The following BNC2 variants were observed in gnomAD, a reference collection of about 807,000 sequenced individuals.
BNC2 encodes the protein zinc finger protein basonuclin-2.
BNC2 carries 20 observed loss-of-function variants against 76.3 expected under a neutral mutation model. The observed-to-expected ratio is 0.26, with a 90% CI of 0.18 to 0.38. BNC2 has a LOEUF of 0.38. Among genes scored for constraint, BNC2 ranks in the 10% least tolerant of loss-of-function variants. The pLI is 1.00. For missense variants in BNC2, 1,382 were observed against 1,399.8 expected (o/e 0.99, Z 0.20); for synonymous variants, 582 against 514.8 (o/e 1.13, Z -1.77).
chr9:16,688,097 T>G (rs993711248), intron 3 of BNC2, among the ~76,000 whole-genome samples: 26 of 152,244 alleles, frequency 1.7e-4, no homozygotes, highest in African/African-American at 6.3e-4. Context: ...GGATAAGAGA[T>G]TCAAATCAAA....
intron 3 of BNC2, among the ~76,000 whole-genome samples, chr9:16,697,720 C>CA (rs749976080): frequency 0.018 from 1,943 of 107,460 alleles, 36 homozygotes; most frequent in African/African-American, 0.055. Flanking sequence ...ACTCGATTTC[C>CA]AAAAAAAAAA....
rs1825116470 is a variant in BNC2, at chr9:16,749,424, C to T, written c.4-10939G>A. 4.6e-5 allele frequency among the ~76,000 whole-genome samples: 7 copies of T among 152,098 alleles called. 1 individual carries two copies. The South Asian group carries it at 1.2e-3, about 27-fold the overall frequency. ...ACATTCCAAATGGGTGGGGGAAGCA[C>T]GAATAAAAGTATAATAATCCCAGCA... On this transcript the variant is annotated intron_variant, in intron 1 of 6. Coordinates refer to ENST00000380672, the MANE Select transcript of BNC2 (RefSeq NM_017637.6).
intron 3 of BNC2, among the ~76,000 whole-genome samples, chr9:16,590,706 C>G (rs566296889): frequency 5.9e-5 from 9 of 152,128 alleles, no homozygotes; most frequent in African/African-American, 2.2e-4. Context: ...ACGCGGGAGG[C>G]TGAGGCGGGA....
At chr9:16,709,482 A>T (rs961072465) in intron 3 of BNC2, among the ~76,000 whole-genome samples, 2 of 152,166 alleles carry the variant, frequency 1.3e-5, no homozygotes, top group African/African-American at 4.8e-5. Flanking sequence ...CAAAATAGGA[A>T]GGGAAGAGAG....
chr9:16,660,692 G>C (rs183142560), intron 3 of BNC2, among the ~76,000 whole-genome samples: 1 of 152,008 alleles, frequency 6.6e-6, no homozygotes, highest in South Asian at 2.1e-4. Flanking sequence ...TAGGCCCTCT[G>C]TATCTGTGGG....
chr9:16,740,553 T>C (rs1824814436), intron 1 of BNC2, among the ~76,000 whole-genome samples: 1 of 152,210 alleles, frequency 6.6e-6, no homozygotes, highest in Non-Finnish European at 1.5e-5. Flanking sequence ...AGTTAAGAAG[T>C]AAGCAAATTG....
intron 3 of BNC2, among the ~76,000 whole-genome samples, chr9:16,598,897 G>T (rs1820168355): frequency 6.6e-6 from 1 of 152,134 alleles, no homozygotes; most frequent in Admixed American, 6.6e-5. Context: ...ATCAAAATAT[G>T]TATTTTTCAC....
chr9:16,776,424 C>T (rs1432550796), intron 1 of BNC2, among the ~76,000 whole-genome samples: 2 of 152,150 alleles, frequency 1.3e-5, no homozygotes, highest in East Asian at 1.9e-4. Context: ...ACAGGGGTGA[C>T]CCACAGCGCC....
At chr9:16,741,178 G>A (rs2135160238) in intron 1 of BNC2, among the ~76,000 whole-genome samples, 1 of 152,300 alleles carries the variant, frequency 6.6e-6, no homozygotes, top group East Asian at 1.9e-4. Context: ...ACTGGAAAGG[G>A]TAAAATGAAA....
intron 1 of BNC2, among the ~76,000 whole-genome samples, chr9:16,769,930 C>T (rs755992664): frequency 4.6e-5 from 7 of 151,996 alleles, no homozygotes; most frequent in Non-Finnish European, 8.8e-5. Flanking sequence ...TGGAGCCCTC[C>T]GGAATTACAG....
At chr9:16,820,714 A>T (rs1364722062) in intron 1 of BNC2, among the ~76,000 whole-genome samples, 1 of 152,146 alleles carries the variant, frequency 6.6e-6, no homozygotes, top group Non-Finnish European at 1.5e-5. Flanking sequence ...TTTCTCACAA[A>T]TAGAGATCAT....
intron 1 of BNC2, among the ~76,000 whole-genome samples, chr9:16,858,715 G>A (rs1563974385): frequency 7.5e-6 from 1 of 133,202 alleles, no homozygotes; most frequent in East Asian, 1.9e-4. Flanking sequence ...GCATGGTGGC[G>A]GGTGCCTGTA....
chr9:16,459,166 C>A (rs995528493), intron 5 of BNC2, among the ~76,000 whole-genome samples: 3 of 152,174 alleles, frequency 2.0e-5, no homozygotes, highest in African/African-American at 7.2e-5. Flanking sequence ...TAGGATGAGT[C>A]AGAATTCAGT....
chr9:16,736,184 A>C (rs1477347642), intron 2 of BNC2, among the ~76,000 whole-genome samples: 2 of 151,224 alleles, frequency 1.3e-5, no homozygotes, highest in African/African-American at 4.9e-5. Flanking sequence ...CAGTGACCCA[A>C]GATCGCGCCA....
At chr9:16,758,951 A>G (rs1405823477) in intron 1 of BNC2, among the ~76,000 whole-genome samples, 1 of 152,202 alleles carries the variant, frequency 6.6e-6, no homozygotes, top group East Asian at 1.9e-4. Context: ...TTTGAATGGG[A>G]AAAGTATTCT....
At chr9:16,701,515 AT>A (rs1288551331) in intron 3 of BNC2, among the ~76,000 whole-genome samples, 6 of 152,176 alleles carry the variant, frequency 3.9e-5, no homozygotes, top group Non-Finnish European at 8.8e-5. Context: ...AACAATTTTC[AT>A]TTTTTTATGC....
chr9:16,733,385 A>T (rs559261365), intron 2 of BNC2, among the ~76,000 whole-genome samples: 2 of 152,282 alleles, frequency 1.3e-5, no homozygotes, highest in South Asian at 2.1e-4. Context: ...AGGGGAAAAA[A>T]TTTTTGACTC....
chr9:16,645,136 A>T (rs1344697884), intron 3 of BNC2, among the ~76,000 whole-genome samples: 1 of 152,218 alleles, frequency 6.6e-6, no homozygotes, highest in Non-Finnish European at 1.5e-5. Context: ...GGTAAAAAAG[A>T]TAACAATTAA....
intron 5 of BNC2, among the ~76,000 whole-genome samples, chr9:16,481,917 G>A (rs562393142): frequency 1.3e-5 from 2 of 152,110 alleles, no homozygotes; most frequent in South Asian, 2.1e-4. Flanking sequence ...CAAAATGAGG[G>A]TAATACTATA....
Sources: allele counts gnomAD v4.1 joint callset (sites outside exome capture counted in the v4.1 genomes callset), GRCh38; gene constraint gnomAD v4.1.1; transcripts MANE v1.5; gene names NCBI Gene and HGNC (gene_info 2026-07-23, HGNC 2026-07-21).